PRDM11: variants seen among roughly 807,000 people sequenced by gnomAD.
PRDM11 encodes the protein PR domain-containing protein 11.
In PRDM11, 20 loss-of-function variants were observed where a neutral mutation model predicts 97.8. The observed-to-expected ratio is 0.20, with a 90% CI of 0.14 to 0.30. The LOEUF (loss-of-function observed/expected upper bound fraction) is 0.30. Among genes scored for constraint, PRDM11 ranks in the 10% least tolerant of loss-of-function variants. The pLI is 1.00. For synonymous variants in PRDM11, 599 were observed against 637.7 expected (o/e 0.94, Z 0.91); for missense variants, 1,139 against 1,555.2 (o/e 0.73, Z 4.50).
intron 5 of PRDM11, chr11:45,209,265 C>A (rs550228116): frequency 2.7e-6 from 1 of 370,266 alleles, no homozygotes; most frequent in Non-Finnish European, 5.4e-6. Context: ...CAGGGCGGAA[C>A]TGGATGGCAC....
At chr11:45,146,033 T>A (rs1429821202), upstream of PRDM11, among the ~76,000 whole-genome samples, 2 of 152,168 alleles carry the variant, frequency 1.3e-5, no homozygotes, top group South Asian at 4.1e-4. Flanking sequence ...TGTAACATAT[T>A]TTGACTTGAA....
intron 5 of PRDM11, among the ~76,000 whole-genome samples, chr11:45,209,858 G>A (rs558486064): frequency 3.3e-5 from 5 of 152,334 alleles, no homozygotes; most frequent in African/African-American, 1.2e-4. Context: ...GCTCCACTGG[G>A]GACTGGGGAG....
chr11:45,108,358 G>T (rs562833417), intron 1 of PRDM11, among the ~76,000 whole-genome samples: 1 of 152,282 alleles, frequency 6.6e-6, no homozygotes, highest in Admixed American at 6.5e-5. Flanking sequence ...GTCCAATTGG[G>T]CCCCTGGGAC....
At chr11:45,153,401 T>G (rs1851708460) in intron 1 of PRDM11, among the ~76,000 whole-genome samples, 1 of 152,226 alleles carries the variant, frequency 6.6e-6, no homozygotes, top group Admixed American at 6.5e-5. Flanking sequence ...ACCCATTTTC[T>G]CATCTGCAGA....
In PRDM11 at chr11:45,226,374, G is replaced by A; in HGVS notation, c.1749G>A (p.Glu583=). ...TCCGCATGCACCCGGAGAAGACAGA[G>A]GAGATGTGTCGCAACATGACCCTGC... ...YKLRMHPEKT[E]EMCRNMTLLF... Residue 583 remains glutamate (E), a synonymous_variant, in exon 8 of 8, where the codon GAG becomes GAA. Coordinates refer to ENST00000683152, the MANE Select transcript of PRDM11 (RefSeq NM_001384648.1). The A allele has an allele frequency of 2.6e-6, 4 of 1,534,016 alleles. No individual in the cohort carries two copies. Among genetic ancestry groups the A allele is most frequent in the Non-Finnish European group, 1.7e-6 (2 of 1,146,750 alleles).
Position 45,226,562 on chromosome 11 carries a change from A to G in PRDM11, c.1937A>G (p.Glu646Gly). ...CATCACATCGCCCGGGCCCTGCGGG[A>G]AGACCTGGTGGAGCGCATCCGCCAG... is the stretch of plus-strand genomic sequence containing the variant. ...LIHHIARALR[E>G]DLVERIRQSP... The change falls in exon 8 of 8, where the codon GAA becomes GGA. Residue 646 changes from glutamate to glycine, a missense_variant. Coordinates refer to ENST00000683152, the MANE Select transcript of PRDM11 (RefSeq NM_001384648.1). The G allele has an allele frequency of 1.3e-6, 2 of 1,533,912 alleles. No homozygotes were observed. Among genetic ancestry groups the G allele is most frequent in the Non-Finnish European group, 1.7e-6 (2 of 1,146,726 alleles).
chr11:45,163,919 G>A (rs957390168), intron 1 of PRDM11, among the ~76,000 whole-genome samples: 4 of 152,236 alleles, frequency 2.6e-5, no homozygotes, highest in East Asian at 1.9e-4. Flanking sequence ...GGTGGGGCTC[G>A]CCAGGATCCA....
At chr11:45,148,171 C>T (rs1173472960) in intron 1 of PRDM11, among the ~76,000 whole-genome samples, 2 of 152,164 alleles carry the variant, frequency 1.3e-5, no homozygotes, top group Non-Finnish European at 2.9e-5. Context: ...GAAACCTTCC[C>T]TTCTGGGAAT....
intron 4 of PRDM11, among the ~76,000 whole-genome samples, chr11:45,183,766 G>T (rs1852604397): frequency 6.6e-6 from 1 of 152,220 alleles, no homozygotes; most frequent in East Asian, 1.9e-4. Context: ...AGAGATAGGG[G>T]AGGGTGGGGT....
chr11:45,134,432 GCACAAGC>G (rs1363705112), intron 1 of PRDM11, among the ~76,000 whole-genome samples: 1 of 152,120 alleles, frequency 6.6e-6, no homozygotes, highest in African/African-American at 2.4e-5. Flanking sequence ...AGGTGTGGAG[GCACAAGC>G]CTGTAATTCC....
intron 1 of PRDM11, among the ~76,000 whole-genome samples, chr11:45,156,949 G>A (rs1369947496): frequency 6.6e-6 from 1 of 152,208 alleles, no homozygotes; most frequent in East Asian, 1.9e-4. Context: ...GCGGTCATGG[G>A]TGTTTAGAGA....
chr11:45,224,657 G>C lies in PRDM11; in HGVS notation c.1183G>C (p.Glu395Gln). Reference protein sequence around the residue: ...PSSFKADSPAEASLASDPHEL... With the variant: ...PSSFKADSPAQASLASDPHEL... ...ATCATTCAAGGCCGACAGTCCTGCC[G>C]AGGCCTCCCTTGCATCTGACCCTCA... Residue 395 changes from glutamate (E) to glutamine (Q), a missense_variant, in exon 7 of 8, where the codon GAG (glutamate) becomes CAG (glutamine). Coordinates refer to ENST00000683152, the MANE Select transcript of PRDM11 (RefSeq NM_001384648.1). The C allele has an allele frequency of 6.2e-7, 1 of 1,614,140 alleles. No individual in the cohort carries two copies. The highest frequency in any genetic ancestry group is 8.5e-7 in the Non-Finnish European group (1 of 1,180,016).
chr11:45,204,962 A>C (rs1853455256), intron 5 of PRDM11, among the ~76,000 whole-genome samples, 184 bp downstream of exon 5: 1 of 152,170 alleles, frequency 6.6e-6, no homozygotes, highest in Admixed American at 6.5e-5. Flanking sequence ...AGGGGGCTCT[A>C]GAGGACGGCG....
intron 1 of PRDM11, among the ~76,000 whole-genome samples, chr11:45,097,698 A>G (rs554781798): frequency 1.3e-4 from 20 of 152,350 alleles, no homozygotes; most frequent in Non-Finnish European, 2.5e-4. Flanking sequence ...GGACACATCC[A>G]GGGCTTAGGA....
At chr11:45,155,495 A>C (rs1281530266) in intron 1 of PRDM11, among the ~76,000 whole-genome samples, 3 of 152,122 alleles carry the variant, frequency 2.0e-5, no homozygotes, top group Non-Finnish European at 4.4e-5. Context: ...CCCTGACCTC[A>C]CAGCCCTTTA....
chr11:45,106,948 G>A (rs1347836112), intron 1 of PRDM11, among the ~76,000 whole-genome samples: 1 of 152,186 alleles, frequency 6.6e-6, no homozygotes, highest in East Asian at 1.9e-4. Flanking sequence ...CTGCAAACAG[G>A]GATACCCCCA....
chr11:45,158,212 C>T (rs1335136156), intron 1 of PRDM11, among the ~76,000 whole-genome samples: 2 of 152,222 alleles, frequency 1.3e-5, no homozygotes, highest in Non-Finnish European at 2.9e-5. Flanking sequence ...CTGCCCTGTC[C>T]CAGGGCTGCT....
intron 1 of PRDM11, among the ~76,000 whole-genome samples, chr11:45,135,469 T>C (rs553094759): frequency 6.6e-6 from 1 of 152,096 alleles, no homozygotes; most frequent in South Asian, 2.1e-4. Flanking sequence ...CTGGTCAGAA[T>C]ATACATTTAT....
chr11:45,095,674 G>T (rs1851879134), upstream of PRDM11: 6 of 631,984 alleles, frequency 9.5e-6, no homozygotes, highest in Non-Finnish European at 1.4e-5. Context: ...GCAACCCCTG[G>T]GACATGTCCT....
Sources: gnomAD v4.1 joint callset for allele counts (sites outside exome capture counted in the v4.1 genomes callset) on GRCh38, gnomAD v4.1.1 for gene constraint, MANE v1.5 for transcripts, NCBI Gene and HGNC (gene_info 2026-07-23, HGNC 2026-07-21) for gene names.